The following LRMDA variants were observed in gnomAD, a reference collection of about 807,000 sequenced individuals.
LRMDA encodes leucine rich melanocyte differentiation associated, also known as leucine-rich melanocyte differentiation-associated protein.
In LRMDA, 18 loss-of-function variants were observed where a neutral mutation model predicts 29.8. The ratio of observed to expected loss-of-function variants is 0.60; its 90% CI spans 0.42 to 0.90. LRMDA has a LOEUF of 0.90. LRMDA is among the 40% of genes least tolerant of loss of function. The pLI is 0.00. For missense variants in LRMDA, 273 were observed against 273.9 expected (o/e 1.00, Z 0.02); for synonymous variants, 125 against 109.4 (o/e 1.14, Z -0.89).
chr10:75,970,819 A>G (rs1000347942), intron 2 of LRMDA, among the ~76,000 whole-genome samples: 4 of 152,230 alleles, frequency 2.6e-5, no homozygotes, highest in Non-Finnish European at 5.9e-5. Context: ...GACTTGCACA[A>G]GAAGCTCTTG....
intron 2 of LRMDA, among the ~76,000 whole-genome samples, chr10:75,981,421 A>G (rs1321064422): frequency 1.3e-5 from 2 of 152,240 alleles, no homozygotes; most frequent in Non-Finnish European, 2.9e-5. Context: ...TCATCAGCAA[A>G]GACTCTTTTT....
intron 6 of LRMDA, among the ~76,000 whole-genome samples, chr10:76,330,135 T>C (rs1261049704): frequency 1.3e-5 from 2 of 152,186 alleles, no homozygotes; most frequent in African/African-American, 4.8e-5. Flanking sequence ...TTTGGGCTTA[T>C]AGGATTCGGA....
chr10:76,141,188 T>C (rs1898106), intron 5 of LRMDA, among the ~76,000 whole-genome samples: 103,511 of 151,958 alleles, frequency 0.68, 35,642 homozygotes, highest in East Asian at 0.85. Context: ...CTCTTTGCTC[T>C]TATATCACAC....
chr10:76,348,798 G>GA (rs1371018728), intron 6 of LRMDA, among the ~76,000 whole-genome samples: 7 of 152,224 alleles, frequency 4.6e-5, no homozygotes, highest in African/African-American at 1.7e-4. Flanking sequence ...AGTTTAGGAG[G>GA]ACCTAGCAGA....
At chr10:75,704,315 T>C (rs1280280689) in intron 2 of LRMDA, among the ~76,000 whole-genome samples, 2 of 152,236 alleles carry the variant, frequency 1.3e-5, no homozygotes, top group Non-Finnish European at 2.9e-5. Flanking sequence ...AGAATTGTCA[T>C]GTTTATATTT....
intron 2 of LRMDA, among the ~76,000 whole-genome samples, chr10:75,486,045 T>A (rs1844909243): frequency 6.6e-6 from 1 of 152,246 alleles, no homozygotes; most frequent in Admixed American, 6.5e-5. Flanking sequence ...CTCTGAGTAC[T>A]GCTTTGTGTC....
At chr10:75,615,242 T>C (rs1841084281) in intron 2 of LRMDA, among the ~76,000 whole-genome samples, 2 of 152,196 alleles carry the variant, frequency 1.3e-5, no homozygotes, top group Non-Finnish European at 2.9e-5. Flanking sequence ...ACCCATAGTG[T>C]TTTGTAAAAT....
At chr10:76,322,811 A>T (rs1840787871) in intron 5 of LRMDA, among the ~76,000 whole-genome samples, 1 of 152,130 alleles carries the variant, frequency 6.6e-6, no homozygotes, top group Non-Finnish European at 1.5e-5. Flanking sequence ...AGTATGATAG[A>T]TCTAGGGAGG....
chr10:76,145,271 GCTC>G lies in LRMDA; in HGVS notation c.516+86492_516+86494del, dbSNP rs557157159. Among the ~76,000 whole-genome samples, 967 of 152,280 alleles carry G rather than the reference GCTC, an allele frequency of 6.4e-3. 12 individuals are homozygous for G. Among genetic ancestry groups the G allele is most frequent in the African/African-American group, 0.022 (902 of 41,556 alleles). On this transcript the variant is annotated intron_variant, in intron 5 of 6. Transcript: ENST00000611255. ...AATAGTTTCAGAAGGAATGGTACCA[GCTC>G]CTCTTTTCACCTCTGGTAGAATTTG...
intron 2 of LRMDA, among the ~76,000 whole-genome samples, chr10:75,872,202 G>A (rs1456395636): frequency 6.6e-6 from 1 of 151,946 alleles, no homozygotes; most frequent in Non-Finnish European, 1.5e-5. Flanking sequence ...ATGGGTACAT[G>A]GTTCCTTAAT....
At chr10:76,185,416 G>GAT (rs1851130180) in intron 5 of LRMDA, among the ~76,000 whole-genome samples, 1 of 152,212 alleles carries the variant, frequency 6.6e-6, no homozygotes, top group Non-Finnish European at 1.5e-5. Flanking sequence ...AAATATGAAT[G>GAT]ATAATACTTG....
intron 6 of LRMDA, among the ~76,000 whole-genome samples, chr10:76,398,496 G>T (rs1841813722): frequency 6.6e-6 from 1 of 152,162 alleles, no homozygotes; most frequent in Non-Finnish European, 1.5e-5. Flanking sequence ...AGGGGCAATT[G>T]TAAGATTTAA....
At chr10:76,260,241 C>T (rs1241480918) in intron 5 of LRMDA, among the ~76,000 whole-genome samples, 1 of 151,976 alleles carries the variant, frequency 6.6e-6, no homozygotes, top group Non-Finnish European at 1.5e-5. Context: ...TATTGCCTTG[C>T]TTCTTTTCTC....
intron 5 of LRMDA, among the ~76,000 whole-genome samples, chr10:76,144,529 T>C (rs1409174978): frequency 6.6e-6 from 1 of 152,238 alleles, no homozygotes. Flanking sequence ...TTGTGATTTT[T>C]GTACATTGAT....
chr10:76,083,733 T>G (rs1159263321), intron 5 of LRMDA, among the ~76,000 whole-genome samples: 1 of 151,254 alleles, frequency 6.6e-6, no homozygotes, highest in African/African-American at 2.4e-5. Flanking sequence ...ACTCAGGAGG[T>G]TGAGGCAGGA....
chr10:75,486,682 A>T (rs1474527812), intron 2 of LRMDA, among the ~76,000 whole-genome samples: 2 of 152,032 alleles, frequency 1.3e-5, no homozygotes, highest in Admixed American at 6.5e-5. Context: ...GCCTAGGGTG[A>T]GTCTGGCATG....
chr10:75,432,571 A>T (rs1407902838), intron 1 of LRMDA, among the ~76,000 whole-genome samples: 1 of 152,254 alleles, frequency 6.6e-6, no homozygotes, highest in East Asian at 1.9e-4. Flanking sequence ...TGCTCTGATG[A>T]AGCCAGAGCC....
At chr10:75,897,022 G>A (rs12414570) in intron 2 of LRMDA, among the ~76,000 whole-genome samples, 18,544 of 152,110 alleles carry the variant, frequency 0.12, 1,356 homozygotes, top group Admixed American at 0.2. Context: ...TTCTGTTCAG[G>A]GCAGATTTAC....
intron 5 of LRMDA, among the ~76,000 whole-genome samples, chr10:76,105,603 C>T (rs1310385230): frequency 3.9e-5 from 6 of 152,180 alleles, no homozygotes; most frequent in Middle Eastern, 3.4e-3. Flanking sequence ...TTATGTAGCC[C>T]CAAGCCAAGA....
Sources: gnomAD v4.1 joint callset for allele counts (sites outside exome capture counted in the v4.1 genomes callset) on GRCh38, gnomAD v4.1.1 for gene constraint, MANE v1.5 for transcripts, NCBI Gene and HGNC (gene_info 2026-07-23, HGNC 2026-07-21) for gene names.